Variants in TOP2B observed in about 807,000 individuals in gnomAD.
The protein encoded by TOP2B is DNA topoisomerase II beta.
A neutral mutation model predicts 193.5 loss-of-function variants in TOP2B; 51 were observed. The observed-to-expected ratio is 0.26, with a 90% confidence interval of 0.21 to 0.33. TOP2B has a LOEUF of 0.33. Ranked by LOEUF, TOP2B falls within the 10% of genes least tolerant of loss-of-function variation. The pLI, the probability that TOP2B is intolerant of heterozygous loss-of-function variation, is 1.00. For synonymous variants in TOP2B, 634 were observed against 635.7 expected, an observed-to-expected ratio of 1.00 and a Z score of 0.04; for missense variants, 1,378 against 1,909.3, an observed-to-expected ratio of 0.72 and a Z score of 5.19.
intron 31 of TOP2B, 113 bp downstream of exon 31, chr3:25,607,058 T>A: frequency 1.4e-6 from 2 of 1,402,958 alleles, no homozygotes; most frequent in Admixed American, 5.3e-5. Context: ...GATTCCTTCA[T>A]GAAGAAGAAC....
rs762590567 is a variant in TOP2B, at chr3:25,630,295, TAC to T, written c.1563+15_1563+16del. ...GTGCATGTGTGTATACACATATATA[TAC>T]ACACACATACATACCTGTTTATGAG... On this transcript the variant is annotated intron_variant, in intron 12 of 35. Coordinates refer to ENST00000264331, the MANE Select transcript of TOP2B (RefSeq NM_001330700.2). 2.6e-6 allele frequency: 4 copies of T among 1,548,876 alleles called. No homozygotes were observed. The highest frequency in any genetic ancestry group is 3.5e-6 in the Non-Finnish European group (4 of 1,145,130).
At position 25,604,827 on chromosome 3, in the gene TOP2B, A is replaced by C; in HGVS notation, c.4422T>G (p.Val1474=). 4 of 1,612,984 alleles carry C rather than the reference A, an allele frequency of 2.5e-6. No homozygotes were observed. The highest frequency in any genetic ancestry group is 2.5e-6 in the Non-Finnish European group (3 of 1,179,374). Residue 1474 remains valine (V), a synonymous_variant, in exon 33 of 36, where the codon GTT becomes GTG. Transcript: ENST00000264331. ...GTTTCAGACCAAATGATGGTGAAAA[A>C]ACAGAAGCAGAATCTTCTTCATTAC... ...FDSNEEDSAS[V]FSPSFGLKQT...
chr3:25,642,119 T>G (rs1253798958), intron 4 of TOP2B, among the ~76,000 whole-genome samples: 2 of 151,888 alleles, frequency 1.3e-5, no homozygotes, highest in Non-Finnish European at 2.9e-5. Context: ...CAAAGAAAAA[T>G]GGTCTCCAAG....
intron 25 of TOP2B, 171 bp from the exon 26 acceptor site, chr3:25,615,757 G>A (rs1259948671): frequency 1.9e-6 from 1 of 535,194 alleles, no homozygotes. Flanking sequence ...CTTATAAAAA[G>A]TTTAAAATTT....
chr3:25,635,858 A>G (rs1703091888), intron 7 of TOP2B, 78 bp downstream of exon 7: 1 of 1,181,650 alleles, frequency 8.5e-7, no homozygotes, highest in Non-Finnish European at 1.2e-6. Flanking sequence ...CTACCAGATG[A>G]GCTTTAAAAA....
At chr3:25,654,689 T>C (rs1334164895) in intron 1 of TOP2B, among the ~76,000 whole-genome samples, 1 of 152,176 alleles carries the variant, frequency 6.6e-6, no homozygotes, top group African/African-American at 2.4e-5. Flanking sequence ...AACCTGATTT[T>C]ACTACAGAAC....
chr3:25,624,845 T>C (rs778358004), intron 18 of TOP2B, 42 bp from the exon 19 acceptor site: 15 of 1,579,340 alleles, frequency 9.5e-6, no homozygotes, highest in African/African-American at 2.7e-5. Context: ...CTTCAAGATA[T>C]AGTTGTAACA....
At chr3:25,614,895 C>T (rs1358268444) in intron 27 of TOP2B, among the ~76,000 whole-genome samples, 1 of 151,996 alleles carries the variant, frequency 6.6e-6, no homozygotes, top group African/African-American at 2.4e-5. Context: ...ATTATACACA[C>T]ATATTAGCCT....
At chr3:25,623,935 G>A (rs955301393) in intron 20 of TOP2B, among the ~76,000 whole-genome samples, 189 bp from the exon 21 acceptor site, 2 of 152,082 alleles carry the variant, frequency 1.3e-5, no homozygotes, top group African/African-American at 4.8e-5. Flanking sequence ...CTTTCTCTCA[G>A]TTACAAGCCC....
At chr3:25,608,064 C>T (rs553957446) in intron 30 of TOP2B, among the ~76,000 whole-genome samples, 25 of 152,304 alleles carry the variant, frequency 1.6e-4, no homozygotes, top group Admixed American at 9.8e-4. Flanking sequence ...AGATTACAGG[C>T]GTGAGCCACT....
At chr3:25,638,776 C>T (rs1703178295) in intron 4 of TOP2B, among the ~76,000 whole-genome samples, 1 of 152,026 alleles carries the variant, frequency 6.6e-6, no homozygotes, top group Non-Finnish European at 1.5e-5. Flanking sequence ...TTGGAACTGG[C>T]TATCAAACTC....
At chr3:25,628,258 T>C (rs1702862903) in intron 15 of TOP2B, among the ~76,000 whole-genome samples, 1 of 150,232 alleles carries the variant, frequency 6.7e-6, no homozygotes, top group South Asian at 2.1e-4. Context: ...GGTGGATGGC[T>C]TGAACTCAGG....
intron 30 of TOP2B, among the ~76,000 whole-genome samples, chr3:25,607,973 C>G (rs1702276099): frequency 6.6e-6 from 1 of 152,074 alleles, no homozygotes; most frequent in African/African-American, 2.4e-5. Context: ...GTTTTAGACA[C>G]AGGGTCTTGC....
chr3:25,625,711 C>A (rs1364382305), intron 18 of TOP2B, among the ~76,000 whole-genome samples: 2 of 152,098 alleles, frequency 1.3e-5, no homozygotes, highest in Non-Finnish European at 2.9e-5. Flanking sequence ...AGGTTAGACA[C>A]CCTGGCTCTA....
chr3:25,604,272 G>A (rs1052399135), intron 33 of TOP2B, among the ~76,000 whole-genome samples: 1 of 152,066 alleles, frequency 6.6e-6, no homozygotes, highest in Non-Finnish European at 1.5e-5. Flanking sequence ...AAAGACCACG[G>A]TACATATATC....
intron 1 of TOP2B, among the ~76,000 whole-genome samples, chr3:25,647,186 T>G (rs1324239246): frequency 6.6e-6 from 1 of 152,236 alleles, no homozygotes; most frequent in African/African-American, 2.4e-5. Flanking sequence ...CTTTGCTTTT[T>G]ATGAAGAAAT....
intron 35 of TOP2B, among the ~76,000 whole-genome samples, chr3:25,598,975 G>A (rs544921042): frequency 7.9e-5 from 12 of 152,146 alleles, no homozygotes; most frequent in Middle Eastern, 3.4e-3. Flanking sequence ...AAAGGGATGC[G>A]GGGGAGCTGA....
chr3:25,634,852 C>T (rs1374573857), intron 7 of TOP2B, among the ~76,000 whole-genome samples: 1 of 148,938 alleles, frequency 6.7e-6, no homozygotes, highest in African/African-American at 2.5e-5. Flanking sequence ...AGGCTGAGAA[C>T]ACTGGTGGAA....
intron 23 of TOP2B, 36 bp downstream of exon 23, chr3:25,619,826 A>T (rs1418365830): frequency 2.0e-6 from 3 of 1,476,500 alleles, no homozygotes; most frequent in South Asian, 2.3e-5. Flanking sequence ...ATACCATGCA[A>T]GAAAGATTAA....
Sources: gnomAD v4.1 joint callset for allele counts (sites outside exome capture counted in the v4.1 genomes callset) on GRCh38, gnomAD v4.1.1 for gene constraint, MANE v1.5 for transcripts, NCBI Gene and HGNC (gene_info 2026-07-23, HGNC 2026-07-21) for gene names.